Variants in TBC1D15 observed in about 807,000 individuals in gnomAD.
The protein encoded by TBC1D15 is GAP for RAB7.
TBC1D15 carries 39 observed loss-of-function variants against 95.4 expected under a neutral mutation model. The ratio of observed to expected loss-of-function variants is 0.41; its 90% CI spans 0.32 to 0.53. The LOEUF is 0.53. Among genes scored for constraint, TBC1D15 ranks in the 20% least tolerant of loss-of-function variants. The probability of loss-of-function intolerance (pLI) is 0.29; values close to 1 mark genes in which losing one functional copy is unlikely to be tolerated. For synonymous variants in TBC1D15, 258 were observed against 261.3 expected (o/e 0.99, Z 0.12); for missense variants, 733 against 794.3 (o/e 0.92, Z 0.93).
chr12:71,895,006 G>T, intron 7 of TBC1D15, 123 bp downstream of exon 7: 1 of 870,344 alleles, frequency 1.1e-6, no homozygotes, highest in Non-Finnish European at 1.7e-6. Context: ...ACAACTTTTT[G>T]CTAGTATATC....
At position 71,923,025 on chromosome 12, in the gene TBC1D15, A is replaced by G. The variant is rs777123590; in HGVS notation, c.1846A>G (p.Ser616Gly). ...CTGTGAGATCCTTGGGCTTCAAGGCAGTGAAGTTACAACACCAGATTCAGA... is the reference window on the plus strand; with the variant it reads ...CTGTGAGATCCTTGGGCTTCAAGGCGGTGAAGTTACAACACCAGATTCAGA... ...AVCEILGLQG[S>G]EVTTPDSDVG... is the part of the protein sequence containing the mutation. Residue 616 changes from serine to glycine, a missense_variant, in exon 17 of 17, where the codon AGT becomes GGT. Coordinates refer to ENST00000485960, the MANE Select transcript of TBC1D15 (RefSeq NM_001146213.3). 1.9e-6 allele frequency: 3 copies of G among 1,614,112 alleles called. No individual in the cohort carries two copies. The African/African-American group carries it at 4.0e-5, about 22-fold the overall frequency.
chr12:71,876,514 C>G (rs746861844), intron 3 of TBC1D15, among the ~76,000 whole-genome samples: 15 of 152,144 alleles, frequency 9.9e-5, no homozygotes, highest in Non-Finnish European at 2.1e-4. Flanking sequence ...ACTGATTGCT[C>G]TTTTAGTTTG....
At chr12:71,916,853 G>T (rs1824777134) in intron 12 of TBC1D15, among the ~76,000 whole-genome samples, 1 of 152,000 alleles carries the variant, frequency 6.6e-6, no homozygotes, top group African/African-American at 2.4e-5. Flanking sequence ...GTGACCTCAG[G>T]GCCCCTTCAC....
At chr12:71,839,859 A>G (rs1482466516) in intron 1 of TBC1D15, 48 bp downstream of exon 1, 1 of 1,612,376 alleles carries the variant, frequency 6.2e-7, no homozygotes, top group Non-Finnish European at 8.5e-7. Flanking sequence ...TGGGACGGGG[A>G]TGCTTTTGCT....
intron 16 of TBC1D15, among the ~76,000 whole-genome samples, chr12:71,922,362 G>A (rs1390209154): frequency 1.3e-5 from 2 of 151,958 alleles, no homozygotes; most frequent in African/African-American, 4.8e-5. Context: ...TGGGATTACA[G>A]GCGTGACCCA....
At chr12:71,920,087 A>G (rs1868680984) in intron 14 of TBC1D15, among the ~76,000 whole-genome samples, 1 of 152,178 alleles carries the variant, frequency 6.6e-6, no homozygotes. Context: ...TGGAAAATAT[A>G]TTATTAGGTA....
rs955289563 is a variant in TBC1D15, at chr12:71,915,204, T to C, written c.1401+1278T>C. 3.5e-4 allele frequency among the ~76,000 whole-genome samples: 53 copies of C among 152,140 alleles called. 1 individual carries two copies. The highest frequency in any genetic ancestry group is 1.1e-3 in the African/African-American group (44 of 41,554). On this transcript the variant is annotated intron_variant, in intron 12 of 16. Transcript: ENST00000485960. The stretch of plus-strand genomic sequence containing the variant: ...CTCTAGAAACCTGAGGCATTTGTTA[T>C]AAAGGTCTGTACAGCTGATACTAAT...
At chr12:71,900,919 G>A (rs1899236836) in intron 10 of TBC1D15, among the ~76,000 whole-genome samples, 1 of 152,158 alleles carries the variant, frequency 6.6e-6, no homozygotes, top group African/African-American at 2.4e-5. Flanking sequence ...AGTATTGGAA[G>A]CCCTAGCCAG....
intron 12 of TBC1D15, 133 bp from the exon 13 acceptor site, chr12:71,917,565 T>TA (rs1904004370): frequency 3.9e-6 from 2 of 512,930 alleles, no homozygotes; most frequent in Admixed American, 3.5e-5. Flanking sequence ...TTTGGTTAGT[T>TA]ACGCATTTTT....
chr12:71,860,661 A>T (rs766762904), intron 1 of TBC1D15, among the ~76,000 whole-genome samples: 1 of 152,114 alleles, frequency 6.6e-6, no homozygotes, highest in African/African-American at 2.4e-5. Context: ...AGGGTTTTCT[A>T]TGTGTAGGAT....
At chr12:71,895,399 G>A (rs1407212505) in intron 7 of TBC1D15, among the ~76,000 whole-genome samples, 5 of 152,036 alleles carry the variant, frequency 3.3e-5, no homozygotes, top group African/African-American at 7.2e-5. Flanking sequence ...CTAAATTTTA[G>A]TGCTTAATTA....
At chr12:71,898,004 T>A in intron 10 of TBC1D15, 63 bp downstream of exon 10, 1 of 1,253,818 alleles carries the variant, frequency 8.0e-7, no homozygotes, top group Non-Finnish European at 1.2e-6. Flanking sequence ...TTGATAAGAG[T>A]AAAGAAGTGA....
At chr12:71,915,901 C>T (rs1903596197) in intron 12 of TBC1D15, among the ~76,000 whole-genome samples, 1 of 152,068 alleles carries the variant, frequency 6.6e-6, no homozygotes, top group South Asian at 2.1e-4. Flanking sequence ...TTTGATGTCC[C>T]TAAATCTGTG....
chr12:71,904,863 TG>T (rs1900295004), intron 10 of TBC1D15, among the ~76,000 whole-genome samples: 1 of 152,048 alleles, frequency 6.6e-6, no homozygotes. Flanking sequence ...GGGGAGTGAA[TG>T]GACAAGGGAA....
Position 71,923,530 on chromosome 12 carries a change from G to T in TBC1D15, c.*326G>T. On this transcript the variant is annotated 3_prime_UTR_variant, in exon 17 of 17. Transcript: ENST00000485960. ...ATGCACTTTGAAAAACATTCACTTTGTTTAAGCTTATTGGGTTTCAGATTT... is the reference window on the plus strand; with the variant it reads ...ATGCACTTTGAAAAACATTCACTTTTTTTAAGCTTATTGGGTTTCAGATTT... 4.4e-6 allele frequency: 1 copy of T among 225,440 alleles called. No individual in the cohort carries two copies. The highest frequency in any genetic ancestry group is 1.1e-4 in the East Asian group (1 of 9,404). 14.0% of individuals were successfully genotyped at this position (225,440 alleles called of 1,614,324 possible).
At chr12:71,857,629 C>A (rs1889393243) in intron 1 of TBC1D15, among the ~76,000 whole-genome samples, 1 of 152,102 alleles carries the variant, frequency 6.6e-6, no homozygotes, top group African/African-American at 2.4e-5. Flanking sequence ...GTGTGATAAT[C>A]TGATATATGT....
chr12:71,918,607 C>A, intron 14 of TBC1D15, 59 bp downstream of exon 14: 1 of 1,145,458 alleles, frequency 8.7e-7, no homozygotes, highest in Non-Finnish European at 1.3e-6. Context: ...ACAATTTATT[C>A]TGTAGAGTGT....
At chr12:71,872,887 T>G (rs1892987596) in intron 2 of TBC1D15, 42 bp from the exon 3 acceptor site, 1 of 1,390,852 alleles carries the variant, frequency 7.2e-7, no homozygotes, top group Non-Finnish European at 9.9e-7. Flanking sequence ...AAGAATAACA[T>G]ATTGCTGAAT....
Position 71,924,084 on chromosome 12 carries a change from T to C in TBC1D15, c.*880T>C, listed in dbSNP as rs957703485. 2.0e-5 allele frequency: 3 copies of C among 152,630 alleles called. No individual in the cohort carries two copies. Among genetic ancestry groups the C allele is most frequent in the African/African-American group, 7.2e-5 (3 of 41,466 alleles). 9.5% of individuals were successfully genotyped at this position (152,630 alleles called of 1,614,324 possible). A position where few individuals can be genotyped will look rare whatever the true frequency, so the allele number is the denominator to read the frequency against. On this transcript the variant is annotated 3_prime_UTR_variant, in exon 17 of 17. Transcript: ENST00000485960. ...CTTTCCTAATAATGCATTAACTGAT[T>C]AATCAGGTGTTTAAATTTTTATAAA...
Sources: allele counts gnomAD v4.1 joint callset (sites outside exome capture counted in the v4.1 genomes callset), GRCh38; gene constraint gnomAD v4.1.1; transcripts MANE v1.5; gene names NCBI Gene and HGNC (gene_info 2026-07-23, HGNC 2026-07-21).